PDE4B: variants seen among roughly 807,000 people sequenced by gnomAD.
PDE4B encodes phosphodiesterase 4B.
A neutral mutation model predicts 82.2 loss-of-function variants in PDE4B; 20 were observed. The observed-to-expected ratio is 0.24, with a 90% CI of 0.17 to 0.35. The LOEUF (loss-of-function observed/expected upper bound fraction) is 0.35. Ranked by LOEUF, PDE4B falls within the 10% of genes least tolerant of loss-of-function variation. The pLI, the probability that PDE4B is intolerant of heterozygous loss-of-function variation, is 1.00. For synonymous variants in PDE4B, 320 were observed against 318.9 expected, an observed-to-expected ratio of 1.00 and a Z score of -0.04; for missense variants, 655 against 907.2, an observed-to-expected ratio of 0.72 and a Z score of 3.57.
chr1:65,871,027 T>C (rs1474867359), intron 1 of PDE4B, among the ~76,000 whole-genome samples: 1 of 152,108 alleles, frequency 6.6e-6, no homozygotes. Flanking sequence ...ATGATCAACA[T>C]TGGAATCTTG....
intron 3 of PDE4B, among the ~76,000 whole-genome samples, chr1:66,108,710 C>T (rs920821845): frequency 5.9e-5 from 9 of 151,662 alleles, no homozygotes; most frequent in African/African-American, 1.5e-4. Context: ...GGGAAAGGCA[C>T]GTTCATTTCA....
chr1:66,062,631 GA>G (rs1190504365), intron 3 of PDE4B, among the ~76,000 whole-genome samples: 1 of 152,046 alleles, frequency 6.6e-6, no homozygotes, highest in East Asian at 1.9e-4. Flanking sequence ...GCAGAGGATT[GA>G]AAATTGTTGT....
intron 3 of PDE4B, among the ~76,000 whole-genome samples, chr1:66,241,295 G>A (rs1652870917): frequency 4.6e-5 from 7 of 152,182 alleles, no homozygotes; most frequent in Admixed American, 2.0e-4. Context: ...TTAGAAATTA[G>A]GACTGGCTGC....
intron 7 of PDE4B, among the ~76,000 whole-genome samples, chr1:66,313,971 C>A (rs1570674901): frequency 6.6e-6 from 1 of 152,132 alleles, no homozygotes; most frequent in African/African-American, 2.4e-5. Context: ...CCCTAACTCC[C>A]TCACATGTAT....
chr1:65,811,990 C>T (rs984561985), intron 1 of PDE4B, among the ~76,000 whole-genome samples: 1 of 151,908 alleles, frequency 6.6e-6, no homozygotes, highest in African/African-American at 2.4e-5. Context: ...AACCCCAGGA[C>T]CATTAAAAGA....
chr1:66,125,505 A>G (rs1338559925), intron 3 of PDE4B, among the ~76,000 whole-genome samples: 3 of 152,142 alleles, frequency 2.0e-5, no homozygotes, highest in Non-Finnish European at 2.9e-5. Context: ...ATGTATATAT[A>G]GTTCACATTT....
chr1:66,044,242 G>A (rs1385055383), intron 3 of PDE4B, among the ~76,000 whole-genome samples: 3 of 151,580 alleles, frequency 2.0e-5, no homozygotes, highest in African/African-American at 7.3e-5. Flanking sequence ...ATTTTGAGGT[G>A]TTTATAATAT....
intron 1 of PDE4B, among the ~76,000 whole-genome samples, chr1:65,911,389 T>C (rs1195461082): frequency 6.6e-6 from 1 of 152,196 alleles, no homozygotes; most frequent in African/African-American, 2.4e-5. Flanking sequence ...TATCATCATT[T>C]CACATAGCAT....
Position 66,329,623 on chromosome 1 carries a change from A to G in PDE4B, c.635-2885A>G, listed in dbSNP as rs749525029. Among the ~76,000 whole-genome samples, 76 of 152,138 alleles carry G rather than the reference A, an allele frequency of 5.0e-4. 2 individuals carry two copies. The highest frequency in any genetic ancestry group is 2.9e-5 in the Non-Finnish European group (2 of 68,004). ...AATGCCAGGCCTTAGGATTTCTCCAATTGCCATTAGTAATTCTCCTATGCA... is the reference window on the plus strand; with the variant it reads ...AATGCCAGGCCTTAGGATTTCTCCAGTTGCCATTAGTAATTCTCCTATGCA... On this transcript the variant is annotated intron_variant, in intron 7 of 16. Coordinates refer to ENST00000341517, the MANE Select transcript of PDE4B (RefSeq NM_002600.4).
At chr1:66,279,411 G>A (rs148252762) in intron 7 of PDE4B, among the ~76,000 whole-genome samples, 19 of 152,224 alleles carry the variant, frequency 1.2e-4, no homozygotes, top group African/African-American at 4.1e-4. Flanking sequence ...ATTACTTGAG[G>A]CCAGGAGTTC....
intron 3 of PDE4B, among the ~76,000 whole-genome samples, chr1:66,220,034 G>T (rs1650843674): frequency 6.6e-6 from 1 of 152,140 alleles, no homozygotes; most frequent in Admixed American, 6.6e-5. Flanking sequence ...ACCCTCCAAG[G>T]CAACAAGGAA....
intron 3 of PDE4B, 24 bp downstream of exon 3, chr1:65,918,859 T>C (rs1049105984): frequency 7.3e-7 from 1 of 1,369,342 alleles, no homozygotes; most frequent in Admixed American, 1.7e-5. Context: ...AAATCAAATG[T>C]CAATTCTAAA....
intron 4 of PDE4B, among the ~76,000 whole-genome samples, chr1:66,247,874 C>G (rs75809146): frequency 9.2e-5 from 14 of 152,320 alleles, no homozygotes; most frequent in African/African-American, 3.4e-4. Context: ...AACCTAGACA[C>G]AGTGTTTACT....
chr1:65,813,656 C>T (rs1645845154), intron 1 of PDE4B, among the ~76,000 whole-genome samples: 1 of 151,948 alleles, frequency 6.6e-6, no homozygotes, highest in African/African-American at 2.4e-5. Flanking sequence ...AGAATCACTG[C>T]TACAGATAGA....
At chr1:65,903,705 A>G (rs1240230364) in intron 1 of PDE4B, among the ~76,000 whole-genome samples, 1 of 152,184 alleles carries the variant, frequency 6.6e-6, no homozygotes, top group Non-Finnish European at 1.5e-5. Flanking sequence ...TCAAAACAAT[A>G]TTATGTGGCA....
chr1:65,948,517 G>A (rs908067847), intron 3 of PDE4B, among the ~76,000 whole-genome samples: 1 of 151,828 alleles, frequency 6.6e-6, no homozygotes, highest in Non-Finnish European at 1.5e-5. Context: ...TCCTTTTCAC[G>A]TTTTTCTGTC....
intron 1 of PDE4B, among the ~76,000 whole-genome samples, chr1:65,806,744 A>G (rs1645759123): frequency 6.6e-6 from 1 of 152,292 alleles, no homozygotes; most frequent in East Asian, 1.9e-4. Flanking sequence ...CATTACAGGT[A>G]TATGATTTCT....
intron 7 of PDE4B, among the ~76,000 whole-genome samples, chr1:66,281,947 TAG>T (rs1656329111): frequency 6.6e-6 from 1 of 152,170 alleles, no homozygotes; most frequent in Non-Finnish European, 1.5e-5. Context: ...TAGTAAGCAG[TAG>T]AGTTAGGATG....
At chr1:66,025,079 C>T (rs1653362980) in intron 3 of PDE4B, among the ~76,000 whole-genome samples, 1 of 151,906 alleles carries the variant, frequency 6.6e-6, no homozygotes, top group Non-Finnish European at 1.5e-5. Context: ...AAATATACTG[C>T]CTTTCTAGAA....
Sources: gnomAD v4.1 joint callset for allele counts (sites outside exome capture counted in the v4.1 genomes callset) on GRCh38, gnomAD v4.1.1 for gene constraint, MANE v1.5 for transcripts, NCBI Gene and HGNC (gene_info 2026-07-23, HGNC 2026-07-21) for gene names.